IPCEF1: variants seen among roughly 807,000 people sequenced by gnomAD.
IPCEF1 encodes interactor protein for cytohesin exchange factors 1.
In IPCEF1, 31 loss-of-function variants were observed where a neutral mutation model predicts 50.9. The observed-to-expected ratio is 0.61, with a 90% CI of 0.46 to 0.82. The LOEUF is 0.82. IPCEF1 is among the 40% of genes least tolerant of loss of function. The pLI, the probability that IPCEF1 is intolerant of heterozygous loss-of-function variation, is 0.00. For synonymous variants in IPCEF1, 181 were observed against 192.0 expected (o/e 0.94, Z 0.47); for missense variants, 458 against 514.0 (o/e 0.89, Z 1.05).
At chr6:154,325,648 C>G (rs1371253531) in intron 1 of IPCEF1, among the ~76,000 whole-genome samples, 1 of 152,226 alleles carries the variant, frequency 6.6e-6, no homozygotes, top group African/African-American at 2.4e-5. Context: ...TCTGTCCTCA[C>G]AGCTCTAACA....
chr6:154,337,930 C>G (rs1194155599), intron 1 of IPCEF1, among the ~76,000 whole-genome samples: 5 of 151,092 alleles, frequency 3.3e-5, no homozygotes. Flanking sequence ...GCCTGTAATC[C>G]CAGATAGTAA....
chr6:154,356,522 A>C (rs1206594537), intron 1 of IPCEF1, 150 bp downstream of exon 1: 1 of 152,218 alleles, frequency 6.6e-6, no homozygotes, highest in Non-Finnish European at 1.5e-5. Context: ...GGCTTCCCAG[A>C]TTACAGAGAG....
At position 154,154,761 on chromosome 6, in the gene IPCEF1, A is replaced by G. The variant is rs1467443866; in HGVS notation, c.*5067T>C. On this transcript the variant is annotated 3_prime_UTR_variant, in exon 12 of 12. Coordinates refer to ENST00000367220, the MANE Select transcript of IPCEF1 (RefSeq NM_001130700.2). The stretch of plus-strand genomic sequence containing the variant: ...ATTTTTATCTTACAAGTCAACCTCA[A>G]AAACATAAAGCAGGAGAGAAATGAG... The G allele has an allele frequency of 6.6e-6, 1 of 152,592 alleles. No individual in the cohort carries two copies. The highest frequency in any genetic ancestry group is 2.4e-5 in the African/African-American group (1 of 41,422). The allele number at this position is 152,592 out of a possible 1,614,324, so 9.5% of individuals were successfully genotyped here. A position where few individuals can be genotyped will look rare whatever the true frequency, so the allele number is the denominator to read the frequency against.
At chr6:154,289,211 G>A (rs1782449547) in intron 2 of IPCEF1, among the ~76,000 whole-genome samples, 1 of 151,980 alleles carries the variant, frequency 6.6e-6, no homozygotes, top group Admixed American at 6.6e-5. Context: ...ATCATTAGGA[G>A]TAAACTTATA....
rs1460440450 is a variant in IPCEF1, at chr6:154,212,765, C to T, written c.537+5G>A. ...GACCAACAGACTACTTATGTCGGTACATACCAAAGACTGAGTCTGGGAAGC... is the reference window on the plus strand; with the variant it reads ...GACCAACAGACTACTTATGTCGGTATATACCAAAGACTGAGTCTGGGAAGC... On this transcript the variant is annotated splice_donor_5th_base_variant and intron_variant, in intron 9 of 11. Coordinates refer to ENST00000367220, the MANE Select transcript of IPCEF1 (RefSeq NM_001130700.2). 2 of 1,595,112 alleles carry T rather than the reference C, an allele frequency of 1.3e-6. No individual in the cohort carries two copies. Among genetic ancestry groups the T allele is most frequent in the Non-Finnish European group, 1.7e-6 (2 of 1,162,756 alleles).
rs553219465 is a variant in IPCEF1 at position 154,287,376 on chromosome 6, C to A, written c.-18+2337G>T. On this transcript the variant is annotated intron_variant, in intron 2 of 11. Transcript: ENST00000367220. ...AGCAGTGTGGGAATGGACTAATACA[C>A]CATCATAACTAATATTTATTAAGTG... 1.6e-4 allele frequency among the ~76,000 whole-genome samples: 25 copies of A among 152,182 alleles called. No individual in the cohort carries two copies. In the East Asian group the frequency reaches 4.4e-3, roughly 27 times the overall value.
chr6:154,312,911 TA>T (rs113389002), intron 1 of IPCEF1, among the ~76,000 whole-genome samples: 8,779 of 151,600 alleles, frequency 0.058, 863 homozygotes, highest in African/African-American at 0.2. Flanking sequence ...GATGAATAAA[TA>T]AAAAATTTTT....
chr6:154,214,685 G>GA (rs1381307253), intron 7 of IPCEF1, among the ~76,000 whole-genome samples: 9 of 152,116 alleles, frequency 5.9e-5, no homozygotes, highest in Non-Finnish European at 1.2e-4. Flanking sequence ...GTTTATTTTA[G>GA]AAAAAATGTA....
intron 2 of IPCEF1, among the ~76,000 whole-genome samples, chr6:154,283,196 G>A (rs1049979524): frequency 6.6e-6 from 1 of 150,568 alleles, no homozygotes; most frequent in African/African-American, 2.4e-5. Flanking sequence ...GGAGGCTGAG[G>A]CAGGAGAATC....
intron 2 of IPCEF1, among the ~76,000 whole-genome samples, chr6:154,279,116 C>T (rs1021302124): frequency 2.7e-5 from 4 of 150,740 alleles, no homozygotes; most frequent in African/African-American, 9.8e-5. Context: ...GAGCCAGACC[C>T]TGTCTCAAAA....
chr6:154,332,480 T>C (rs1403871097), intron 1 of IPCEF1, among the ~76,000 whole-genome samples: 1 of 152,168 alleles, frequency 6.6e-6, no homozygotes, highest in African/African-American at 2.4e-5. Flanking sequence ...TTTAAGTCTA[T>C]ATGTGAAGAT....
chr6:154,231,409 C>T (rs1390865963), intron 5 of IPCEF1, among the ~76,000 whole-genome samples: 2 of 152,220 alleles, frequency 1.3e-5, no homozygotes, highest in African/African-American at 2.4e-5. Context: ...TCTGTCCTAA[C>T]TATACCTTGG....
intron 9 of IPCEF1, among the ~76,000 whole-genome samples, chr6:154,205,276 T>C (rs1044719596): frequency 6.6e-6 from 1 of 150,732 alleles, no homozygotes; most frequent in South Asian, 2.1e-4. Flanking sequence ...AGCATCCCTG[T>C]ATTTTTTTTT....
chr6:154,215,193 T>C (rs998518202), intron 7 of IPCEF1, among the ~76,000 whole-genome samples: 1 of 152,200 alleles, frequency 6.6e-6, no homozygotes, highest in Non-Finnish European at 1.5e-5. Context: ...ATACTACACT[T>C]GCACTAAGCC....
chr6:154,242,925 C>T (rs917254790), intron 5 of IPCEF1, among the ~76,000 whole-genome samples: 1 of 151,926 alleles, frequency 6.6e-6, no homozygotes, highest in African/African-American at 2.4e-5. Flanking sequence ...ACTCAGGCAG[C>T]AGAGAGAGGA....
intron 1 of IPCEF1, among the ~76,000 whole-genome samples, chr6:154,325,249 T>C (rs923729371): frequency 6.6e-6 from 1 of 152,204 alleles, no homozygotes; most frequent in Non-Finnish European, 1.5e-5. Context: ...CTGTAAACTA[T>C]GCCTCCACTA....
chr6:154,228,149 T>G (rs1397163166), intron 5 of IPCEF1, among the ~76,000 whole-genome samples: 2 of 152,040 alleles, frequency 1.3e-5, no homozygotes, highest in Non-Finnish European at 2.9e-5. Flanking sequence ...TCCTTCTTCT[T>G]CAATTCCTAA....
intron 5 of IPCEF1, among the ~76,000 whole-genome samples, chr6:154,236,669 CTGACCTGCTGTTAA>C (rs1780160411): frequency 1.3e-5 from 2 of 152,154 alleles, no homozygotes; most frequent in South Asian, 4.1e-4. Context: ...ATATCAGTGG[CTGACCTGCTGTTAA>C]TGAGCACCAT....
At chr6:154,224,451 T>C (rs563837639) in intron 5 of IPCEF1, among the ~76,000 whole-genome samples, 1 of 152,288 alleles carries the variant, frequency 6.6e-6, no homozygotes, top group Admixed American at 6.5e-5. Context: ...CTCATGCCTG[T>C]AATCCCAGCA....
Sources: allele counts gnomAD v4.1 joint callset (sites outside exome capture counted in the v4.1 genomes callset), GRCh38; gene constraint gnomAD v4.1.1; transcripts MANE v1.5; gene names NCBI Gene and HGNC (gene_info 2026-07-23, HGNC 2026-07-21).